DGKK: variants seen among roughly 807,000 people sequenced by gnomAD.
DGKK encodes the protein diacylglycerol kinase kappa, also known as 142 kDa diacylglycerol kinase.
Under a neutral mutation model 92.2 loss-of-function variants are expected in DGKK, and 35 were observed. That is an observed-to-expected ratio of 0.38 (90% CI 0.29 to 0.50). The LOEUF is 0.50. DGKK is among the 20% of genes least tolerant of loss of function. DGKK has a pLI of 0.92. For synonymous variants in DGKK, 368 were observed against 360.6 expected (o/e 1.02, Z -0.23); for missense variants, 910 against 992.2 (o/e 0.92, Z 1.11).
intron 20 of DGKK, 28 bp from the exon 21 acceptor site, chrX:50,378,719 C>T: frequency 9.1e-7 from 1 of 1,098,419 alleles, no homozygotes; most frequent in South Asian, 1.9e-5. Flanking sequence ...TGTCACATCT[C>T]CCACCCTTGA....
intron 4 of DGKK, among the ~76,000 whole-genome samples, chrX:50,420,067 C>T (rs1925538629): frequency 9.0e-6 from 1 of 111,300 alleles, no homozygotes; most frequent in South Asian, 3.9e-4. Context: ...TTCAGCAGAC[C>T]CAAGTCAAGA....
At chrX:50,414,567 T>G (rs1557228326) in intron 4 of DGKK, among the ~76,000 whole-genome samples, 1 of 111,622 alleles carries the variant, frequency 9.0e-6, no homozygotes, top group Non-Finnish European at 1.9e-5. Flanking sequence ...AATTATAATA[T>G]TGTACATATA....
In DGKK at chrX:50,370,528, T is replaced by G. The variant is rs1557223036; in HGVS notation, c.3634A>C (p.Ser1212Arg). Residue 1212 changes from serine to arginine, a missense_variant, in exon 27 of 28, where the codon AGT becomes CGT. Coordinates refer to ENST00000611977, the MANE Select transcript of DGKK (RefSeq NM_001013742.4). ...VPEEKSSDTD[S>R]RSLRLKIKFP... The stretch of plus-strand genomic sequence containing the variant: ...TTAATTTTCAGCCTGAGGCTTCTAC[T>G]GTCAGTGTCCGAAGATTTTTCCTGA... 8.3e-7 allele frequency: 1 copy of G among 1,198,784 alleles called. No individual in the cohort carries two copies. The highest frequency in any genetic ancestry group is 1.1e-6 in the Non-Finnish European group (1 of 888,631).
rs1185311979 is a variant in DGKK at position 50,470,163 on chromosome X, C to T, written c.516G>A (p.Glu172=). The T allele has an allele frequency of 8.2e-7, 1 of 1,212,209 alleles. No homozygotes were observed. Among genetic ancestry groups the T allele is most frequent in the Admixed American group, 2.2e-5 (1 of 46,149 alleles). The change falls in exon 1 of 28, where the codon GAG becomes GAA. Residue 172 remains glutamate (E), a synonymous_variant. Transcript: ENST00000611977. ...GACATGGTGCTGGACTTGGACGGAA[C>T]TCTGGAGCCGCCTCAGGGCAGAACT... ...APEFCPEAAP[E]FRPSPAPCLL... is the part of the protein sequence containing the mutation.
chrX:50,391,432 C>T lies in DGKK; in HGVS notation c.1844+5G>A. 2 of 1,210,185 alleles carry T rather than the reference C, an allele frequency of 1.7e-6. No homozygotes were observed. Among genetic ancestry groups the T allele is most frequent in the Non-Finnish European group, 2.2e-6 (2 of 894,619 alleles). On this transcript the variant is annotated splice_donor_5th_base_variant and intron_variant, in intron 11 of 27. Transcript: ENST00000611977. ...GCACAAGGGCCTGGTCTTTCAGCCA[C>T]TTACCTGTCTAGGATCCTCACACTA...
chrX:50,441,717 A>T (rs1316275863), intron 1 of DGKK, among the ~76,000 whole-genome samples: 1 of 111,782 alleles, frequency 8.9e-6, no homozygotes, highest in Non-Finnish European at 1.9e-5. Context: ...TTTAAAATGC[A>T]GTAAAATGTC....
chrX:50,392,296 C>T (rs782817661), intron 10 of DGKK, 45 bp downstream of exon 10: 3 of 1,031,342 alleles, frequency 2.9e-6, no homozygotes, highest in South Asian at 1.9e-5. Flanking sequence ...CTGCACACCC[C>T]TACTCTTTCT....
chrX:50,422,598 ACACACACAC>A (rs1925626482), intron 2 of DGKK, 72 bp from the exon 3 acceptor site: 2 of 124,659 alleles, frequency 1.6e-5, no homozygotes, highest in African/African-American at 4.3e-4. Context: ...TAAAAGGTAA[ACACACACAC>A]ACACACACAC....
rs781857665 is a variant in DGKK, at chrX:50,386,767, T to C, written c.2119-181A>G. Among the ~76,000 whole-genome samples the C allele has an allele frequency of 5.4e-5, 6 of 111,464 alleles. No individual in the cohort carries two copies. The South Asian group carries it at 2.3e-3, about 42-fold the overall frequency. ...TTAGCAAAAGAAGTAGGTGGGAAGA[T>C]GTGATGAGATAACCAAAGGGTGTTA... On this transcript the variant is annotated intron_variant, in intron 14 of 27. Transcript: ENST00000611977.
Position 50,404,110 on chromosome X carries a change from C to T in DGKK, c.1017G>A (p.Gln339=), listed in dbSNP as rs1330719405. Reference sequence around the variant, plus strand: ...TGCTCTCTCGACAAACATTGCAGTGCTGGGTCCGGTGGCTGTAACTGGAGT... The same window carrying T: ...TGCTCTCTCGACAAACATTGCAGTGTTGGGTCCGGTGGCTGTAACTGGAGT... The part of the protein sequence containing the change: ...CWYSSYSHRT[Q]HCNVCRESIP... Residue 339 remains glutamine (Q), a synonymous_variant, in exon 5 of 28, where the codon CAG becomes CAA. Coordinates refer to ENST00000611977, the MANE Select transcript of DGKK (RefSeq NM_001013742.4). The T allele has an allele frequency of 1.7e-6, 2 of 1,208,958 alleles. No individual in the cohort carries two copies. The highest frequency in any genetic ancestry group is 1.8e-5 in the South Asian group (1 of 56,576).
chrX:50,386,570 T>C lies in DGKK; in HGVS notation c.2135A>G (p.Asp712Gly). 2.5e-6 allele frequency: 3 copies of C among 1,209,447 alleles called. 1 individual carries two copies. The highest frequency in any genetic ancestry group is 3.4e-6 in the Non-Finnish European group (3 of 894,101). ...SVILKSDLMY[D>G]RLSVLIDVLA... ...GACATCGATCAGGACACTGAGCCTA[T>C]CATACATTAAGTCACTCTATATAGA... is the stretch of plus-strand genomic sequence containing the variant. Residue 712 changes from aspartate (D) to glycine (G), a missense_variant, in exon 15 of 28, where the codon GAT (aspartate) becomes GGT (glycine). Coordinates refer to ENST00000611977, the MANE Select transcript of DGKK (RefSeq NM_001013742.4).
chrX:50,465,099 C>G (rs2147154485), intron 1 of DGKK, among the ~76,000 whole-genome samples: 1 of 111,519 alleles, frequency 9.0e-6, no homozygotes, highest in African/African-American at 3.3e-5. Flanking sequence ...AAGCATGAGC[C>G]ATGAAGTCAA....
intron 1 of DGKK, among the ~76,000 whole-genome samples, chrX:50,439,225 T>C (rs1213808064): frequency 8.9e-6 from 1 of 111,793 alleles, no homozygotes; most frequent in African/African-American, 3.2e-5. Flanking sequence ...AGGATTCTTA[T>C]ATTAATATAT....
chrX:50,382,682 G>A, intron 17 of DGKK, 79 bp from the exon 18 acceptor site: 4 of 799,070 alleles, frequency 5.0e-6, no homozygotes, highest in Non-Finnish European at 7.2e-6. Flanking sequence ...AGATGAATCT[G>A]CATGATGGAA....
At chrX:50,425,061 T>C (rs1925698386) in intron 1 of DGKK, among the ~76,000 whole-genome samples, 1 of 112,169 alleles carries the variant, frequency 8.9e-6, no homozygotes. Flanking sequence ...GAGGAAGTTC[T>C]CACTTAAGTT....
intron 1 of DGKK, among the ~76,000 whole-genome samples, chrX:50,460,475 A>G (rs782801757): frequency 9.0e-6 from 1 of 111,397 alleles, no homozygotes; most frequent in South Asian, 3.9e-4. Flanking sequence ...CATTAAGCAT[A>G]TCTCTCAGTA....
At chrX:50,447,412 ATATATATATATATAT>A (rs1161630728) in intron 1 of DGKK, among the ~76,000 whole-genome samples, 1 of 13,236 alleles carries the variant, frequency 7.6e-5, no homozygotes, top group African/African-American at 7.9e-4. Flanking sequence ...TATATATAAT[ATATATATATATATAT>A]TATATATATA....
chrX:50,371,819 C>G lies in DGKK; in HGVS notation c.3517G>C (p.Asp1173His). 1 of 1,195,327 alleles carries G rather than the reference C, an allele frequency of 8.4e-7. No homozygotes were observed. Among genetic ancestry groups the G allele is most frequent in the Non-Finnish European group, 1.1e-6 (1 of 882,577 alleles). The change falls in exon 26 of 28, where the codon GAT becomes CAT. Residue 1173 changes from aspartate (D) to histidine (H), a missense_variant. Physicochemically the swap from Asp to His is moderately conservative, Grantham distance 81. Transcript: ENST00000611977. Reference protein sequence around the residue: ...LDEKLLRSAEDETALQSALDA... With the variant: ...LDEKLLRSAEHETALQSALDA... ...AGGGCGCTTTGTAGTGCAGTCTCAT[C>G]CTCAGCACTTCTCAGCTGGTACAGA...
At chrX:50,469,234 T>C (rs1231905002) in intron 1 of DGKK, among the ~76,000 whole-genome samples, 5 of 111,818 alleles carry the variant, frequency 4.5e-5, no homozygotes, top group African/African-American at 1.6e-4. Context: ...TTTTCGTGTC[T>C]CTAAACCAGG....
Sources: gnomAD v4.1 joint callset for allele counts (sites outside exome capture counted in the v4.1 genomes callset) on GRCh38, gnomAD v4.1.1 for gene constraint, MANE v1.5 for transcripts, NCBI Gene and HGNC (gene_info 2026-07-23, HGNC 2026-07-21) for gene names.